The following GAK variants were observed in gnomAD, a reference collection of about 807,000 sequenced individuals.
GAK encodes the protein cyclin-G-associated kinase.
GAK carries 79 observed loss-of-function variants against 143.9 expected under a neutral mutation model. That is an observed-to-expected ratio of 0.55 (90% CI 0.46 to 0.66). The LOEUF is 0.66. Ranked by LOEUF, GAK falls within the 30% of genes least tolerant of loss-of-function variation. The pLI is 0.00. For synonymous variants in GAK, 881 were observed against 765.5 expected (o/e 1.15, Z -2.49); for missense variants, 1,693 against 1,779.7 (o/e 0.95, Z 0.88).
intron 23 of GAK, among the ~76,000 whole-genome samples, chr4:860,530 TC>T (rs1241295048): frequency 6.6e-6 from 1 of 152,046 alleles, no homozygotes; most frequent in Non-Finnish European, 1.5e-5. Context: ...CCAAAACCAC[TC>T]AAACTAAGAG....
At chr4:897,498 G>A (rs1437227677) in intron 6 of GAK, among the ~76,000 whole-genome samples, 1 of 152,120 alleles carries the variant, frequency 6.6e-6, no homozygotes, top group Non-Finnish European at 1.5e-5. Context: ...GCTACGTGTG[G>A]GCAGAGACGG....
chr4:885,220 A>C (rs1716059252), intron 11 of GAK, among the ~76,000 whole-genome samples: 1 of 152,224 alleles, frequency 6.6e-6, no homozygotes, highest in Non-Finnish European at 1.5e-5. Context: ...CTTTTGCAGC[A>C]AGAGACAAAC....
Position 870,799 on chromosome 4 carries a change from T to C in GAK, c.2160A>G (p.Pro720=), listed in dbSNP as rs1712408614. The change falls in exon 19 of 28, where the codon CCA becomes CCG. Residue 720 remains proline (P), a synonymous_variant. Transcript: ENST00000314167. ...CCCTCATGCTCGAGTTCTCCCATGG[T>C]GGGGCTTCCCGGCTCGGCCTGTCCC... ...EPRDRPSREA[P]PWENSSMRGL... 5 of 1,614,116 alleles carry C rather than the reference T, an allele frequency of 3.1e-6. No homozygotes were observed. The highest frequency in any genetic ancestry group is 3.4e-6 in the Non-Finnish European group (4 of 1,180,000).
chr4:904,885 C>T (rs945482887), intron 4 of GAK, 106 bp from the exon 5 acceptor site: 24 of 1,158,692 alleles, frequency 2.1e-5, no homozygotes, highest in Middle Eastern at 2.6e-4. Context: ...AAAGGAAAAC[C>T]CTGACTTTCC....
Position 851,058 on chromosome 4 carries a change from C to A in GAK, c.3535G>T (p.Asp1179Tyr). The A allele has an allele frequency of 1.2e-6, 2 of 1,613,874 alleles. No homozygotes were observed. Among genetic ancestry groups the A allele is most frequent in the South Asian group, 2.2e-5 (2 of 91,034 alleles). The change falls in exon 26 of 28, where the codon GAC (aspartate) becomes TAC (tyrosine). Residue 1179 changes from aspartate to tyrosine, a missense_variant. Around this residue, in one of 2 missense-constraint regions of GAK, gnomAD observed 822 missense variants for 788.7 expected, o/e 1.04. Transcript: ENST00000314167. ...FAQKPKVSEN[D>Y]FEDLLSNQGF... ...TGATTGGACAACAGATCTTCAAAGT[C>A]GTTCTCAGAGACTTTTGGCTTTTGA...
At chr4:909,282 C>T (rs1721614985) in intron 4 of GAK, among the ~76,000 whole-genome samples, 1 of 152,280 alleles carries the variant, frequency 6.6e-6, no homozygotes, top group Non-Finnish European at 1.5e-5. Flanking sequence ...GGTTTCAGCA[C>T]CTCCCAGCTC....
intron 11 of GAK, chr4:888,426 C>T (rs138821178): frequency 5.7e-6 from 1 of 176,240 alleles, no homozygotes; most frequent in African/African-American, 2.4e-5. Context: ...CAGAGGGAGA[C>T]TTTCTCCCAC....
intron 8 of GAK, 76 bp from the exon 9 acceptor site, chr4:893,565 C>G: frequency 2.8e-6 from 3 of 1,065,482 alleles, no homozygotes; most frequent in Non-Finnish European, 3.9e-6. Flanking sequence ...GCAGAGGTCA[C>G]AGACCACCAG....
At chr4:866,708 C>A (rs1212433654) in intron 21 of GAK, among the ~76,000 whole-genome samples, 174 bp from the exon 22 acceptor site, 2 of 152,204 alleles carry the variant, frequency 1.3e-5, no homozygotes, top group Non-Finnish European at 2.9e-5. Flanking sequence ...GTGCCCCACG[C>A]CTCAGGATGA....
intron 16 of GAK, 88 bp from the exon 17 acceptor site, chr4:877,295 A>G (rs1714141253): frequency 1.1e-6 from 1 of 918,856 alleles, no homozygotes; most frequent in African/African-American, 1.7e-5. Flanking sequence ...GAAATTGTCC[A>G]CTTAGCTAAA....
rs972676608 is a variant in GAK, at chr4:932,147, G to C, written c.41C>G (p.Pro14Arg). The part of the protein sequence containing the change: ...LQSALDFLAG[P>R]GSLGGASGRD... ...GCCGGAAGCACCGCCCAGGGAGCCT[G>C]GACCCGCCAAGAAGTCGAGCGCCGA... Residue 14 changes from proline (P) to arginine (R), a missense_variant, in exon 1 of 28, where the codon CCA becomes CGA. By Grantham distance (103) the Pro-to-Arg change is moderately radical (BLOSUM62 -2). Transcript: ENST00000314167. The surrounding 1 kb of genome is among the most constrained non-coding windows in gnomAD (Gnocchi z 4.0). The C allele has an allele frequency of 1.9e-6, 3 of 1,581,956 alleles. No individual in the cohort carries two copies. The highest frequency in any genetic ancestry group is 2.6e-6 in the Non-Finnish European group (3 of 1,165,178).
intron 19 of GAK, chr4:868,994 AGCTGCACGGTACACACG>A (rs1188743326): frequency 1.6e-5 from 6 of 379,558 alleles, no homozygotes; most frequent in Non-Finnish European, 3.0e-5. Flanking sequence ...GCACACACAC[AGCTGCACGGTACACACG>A]AATGCATAGA....
chr4:870,848 T>C lies in GAK; in HGVS notation c.2111A>G (p.Asn704Ser). 3.7e-6 allele frequency: 6 copies of C among 1,614,020 alleles called. No homozygotes were observed. The South Asian group carries it at 6.6e-5, about 18-fold the overall frequency. The change falls in exon 19 of 28, where the codon AAC becomes AGC. Residue 704 changes from asparagine (N) to serine (S), a missense_variant. This residue lies in a region of GAK where 871 missense variants were observed against 991.0 expected (regional missense o/e 0.88). Transcript: ENST00000314167. ...CCTGGGCTCCACCTCCACTTCCAGG[T>C]TCACTTGAAATAAATCCGGGTATTT... ...QEKYPDLFQV[N>S]LEVEVEPRDR...
rs1265499424 is a variant in GAK, at chr4:931,946, C to G, written c.145+97G>C. 11 of 918,110 alleles carry G rather than the reference C, an allele frequency of 1.2e-5. No individual in the cohort carries two copies. The East Asian group carries it at 3.0e-4, about 25-fold the overall frequency. The allele number at this position is 918,110 out of a possible 1,614,324, so 56.9% of individuals were successfully genotyped here. ...CGATCCCGCTGGGACCCTCCCCAGC[C>G]CTAACCCACGCCCTTCCACTCCGGG... is the stretch of plus-strand genomic sequence containing the variant. On this transcript the variant is annotated intron_variant, in intron 1 of 27. Transcript: ENST00000314167.
chr4:903,058 C>A (rs1720238035), intron 5 of GAK, among the ~76,000 whole-genome samples: 1 of 152,104 alleles, frequency 6.6e-6, no homozygotes, highest in East Asian at 1.9e-4. Flanking sequence ...CTCTGTGGGG[C>A]TGTGGGAAGC....
intron 18 of GAK, among the ~76,000 whole-genome samples, chr4:875,644 A>G (rs1056688967): frequency 1.3e-5 from 2 of 152,222 alleles, no homozygotes; most frequent in Admixed American, 6.5e-5. Context: ...TGTTTGTTCC[A>G]CTGTGTCTTG....
chr4:883,824 AG>A (rs1248908058), intron 12 of GAK, among the ~76,000 whole-genome samples: 2 of 152,210 alleles, frequency 1.3e-5, no homozygotes, highest in African/African-American at 4.8e-5. Context: ...GAGCCATGGG[AG>A]GCCAGGCTGG....
chr4:879,748 T>A (rs1278100898), intron 15 of GAK, among the ~76,000 whole-genome samples: 1 of 152,186 alleles, frequency 6.6e-6, no homozygotes, highest in African/African-American at 2.4e-5. Context: ...AGCCATGATT[T>A]CTTCACTGCT....
intron 5 of GAK, among the ~76,000 whole-genome samples, chr4:900,050 G>C (rs769974891): frequency 7.2e-5 from 11 of 152,268 alleles, no homozygotes; most frequent in Non-Finnish European, 1.5e-4. Context: ...AGCGACCCTG[G>C]CTCGGATGCA....
Sources: gnomAD v4.1 joint callset for allele counts (sites outside exome capture counted in the v4.1 genomes callset) on GRCh38, gnomAD v4.1.1 for gene constraint, gnomAD v4.1.1 regional missense constraint, Gnocchi (gnomAD v3.1) non-coding constraint, MANE v1.5 for transcripts, NCBI Gene and HGNC (gene_info 2026-07-23, HGNC 2026-07-21) for gene names.